The following TIAM1 variants were observed in gnomAD, a reference collection of about 807,000 sequenced individuals.
The protein encoded by TIAM1 is rho guanine nucleotide exchange factor TIAM1.
A neutral mutation model predicts 163.5 loss-of-function variants in TIAM1; 65 were observed. That is an observed-to-expected ratio of 0.40 (90% CI 0.33 to 0.49). TIAM1 has a LOEUF of 0.49. Ranked by LOEUF, TIAM1 falls within the 20% of genes least tolerant of loss-of-function variation. The pLI is 0.77. For synonymous variants in TIAM1, 833 were observed against 810.1 expected (o/e 1.03, Z -0.48); for missense variants, 1,789 against 2,044.7 (o/e 0.87, Z 2.41).
chr21:31,168,902 A>G (rs1399991208), intron 15 of TIAM1, among the ~76,000 whole-genome samples: 2 of 152,250 alleles, frequency 1.3e-5, no homozygotes, highest in East Asian at 3.8e-4. Flanking sequence ...GCAAGAGGCA[A>G]CAGACACAAT....
intron 1 of TIAM1, among the ~76,000 whole-genome samples, chr21:31,485,605 T>C (rs2046246194): frequency 6.6e-6 from 1 of 152,124 alleles, no homozygotes; most frequent in African/African-American, 2.4e-5. Context: ...CGCCATTGTA[T>C]CAGGAACCTC....
At chr21:31,396,460 C>T (rs1187892884) in intron 2 of TIAM1, among the ~76,000 whole-genome samples, 1 of 152,034 alleles carries the variant, frequency 6.6e-6, no homozygotes, top group Non-Finnish European at 1.5e-5. Flanking sequence ...CCTATCACCC[C>T]CTCCATGTTT....
At chr21:31,190,390 C>T (rs1266233584) in intron 13 of TIAM1, among the ~76,000 whole-genome samples, 9 of 151,950 alleles carry the variant, frequency 5.9e-5, no homozygotes, top group Non-Finnish European at 2.9e-5. Context: ...CCAGCCTGGG[C>T]GACAGAGTAA....
chr21:31,425,064 A>G (rs573640539), intron 2 of TIAM1, among the ~76,000 whole-genome samples: 2 of 152,178 alleles, frequency 1.3e-5, no homozygotes, highest in Admixed American at 1.3e-4. Context: ...AACAAAAAAA[A>G]AAAAAGAAAA....
chr21:31,210,796 AAGAAAG>A (rs2086839500), intron 10 of TIAM1, among the ~76,000 whole-genome samples: 2 of 148,514 alleles, frequency 1.3e-5, no homozygotes, highest in African/African-American at 5.2e-5. Context: ...GAAAGAAAGA[AAGAAAG>A]AAAGAAAGAA....
chr21:31,172,827 A>C (rs1369795018), intron 15 of TIAM1, among the ~76,000 whole-genome samples: 4 of 152,144 alleles, frequency 2.6e-5, no homozygotes, highest in African/African-American at 9.6e-5. Flanking sequence ...TGATTGTGAC[A>C]CTGCACTCTA....
intron 12 of TIAM1, among the ~76,000 whole-genome samples, chr21:31,201,990 A>AT (rs199790701): frequency 1.1e-3 from 161 of 151,384 alleles, no homozygotes; most frequent in East Asian, 5.6e-3. Context: ...TTAGCATTTC[A>AT]TTTTTTTTTC....
intron 2 of TIAM1, among the ~76,000 whole-genome samples, chr21:31,447,258 G>T (rs2044659991): frequency 6.6e-6 from 1 of 152,058 alleles, no homozygotes; most frequent in Non-Finnish European, 1.5e-5. Context: ...ACTATAGCTG[G>T]TAGCAACTGG....
chr21:31,445,117 G>T (rs558209854), intron 2 of TIAM1, among the ~76,000 whole-genome samples: 161 of 152,248 alleles, frequency 1.1e-3, no homozygotes, highest in African/African-American at 3.8e-3. Context: ...GTTTCTGTGG[G>T]AAATGTCTCC....
At chr21:31,238,570 T>C (rs2071011220) in intron 6 of TIAM1, among the ~76,000 whole-genome samples, 1 of 152,186 alleles carries the variant, frequency 6.6e-6, no homozygotes, top group Non-Finnish European at 1.5e-5. Context: ...AACCTTCTGA[T>C]TCCACTTGAG....
At chr21:31,319,779 CAAAAAAAAA>C (rs34265205) in intron 2 of TIAM1, among the ~76,000 whole-genome samples, 3 of 101,354 alleles carry the variant, frequency 3.0e-5, no homozygotes, top group Non-Finnish European at 3.9e-5. Context: ...GACTCTATCT[CAAAAAAAAA>C]AAAAAAAAAA....
At chr21:31,281,377 G>A (rs1307892961) in intron 2 of TIAM1, among the ~76,000 whole-genome samples, 1 of 152,120 alleles carries the variant, frequency 6.6e-6, no homozygotes, top group Non-Finnish European at 1.5e-5. Context: ...AAAGAAATTA[G>A]ATAATCAACA....
intron 1 of TIAM1, among the ~76,000 whole-genome samples, chr21:31,468,585 G>C (rs918047010): frequency 6.6e-6 from 1 of 151,928 alleles, no homozygotes; most frequent in Admixed American, 6.6e-5. Context: ...GACCATCCTA[G>C]CTAACACGGT....
At chr21:31,540,781 G>C (rs1422927989) in intron 1 of TIAM1, among the ~76,000 whole-genome samples, 1 of 152,160 alleles carries the variant, frequency 6.6e-6, no homozygotes, top group Non-Finnish European at 1.5e-5. Flanking sequence ...GATAATGATA[G>C]TGTTTTGTAA....
chr21:31,532,772 G>A (rs1280849857), intron 1 of TIAM1, among the ~76,000 whole-genome samples: 1 of 152,004 alleles, frequency 6.6e-6, no homozygotes, highest in African/African-American at 2.4e-5. Flanking sequence ...CATGGGCAAC[G>A]TGGCCAAATC....
intron 2 of TIAM1, among the ~76,000 whole-genome samples, chr21:31,320,342 A>T (rs1783073): frequency 0.61 from 92,849 of 151,920 alleles, 29,375 homozygotes; most frequent in African/African-American, 0.78. Flanking sequence ...CTGGGTACAT[A>T]TTCTGTTTGG....
At chr21:31,430,269 CACACAT>C (rs1384032267) in intron 2 of TIAM1, among the ~76,000 whole-genome samples, 2,601 of 145,110 alleles carry the variant, frequency 0.018, 117 homozygotes, top group African/African-American at 0.063. Context: ...CACACACACA[CACACAT>C]ATATATATAT....
At position 31,529,199 on chromosome 21, in the gene TIAM1, G is replaced by A. The variant is rs538549914; in HGVS notation, c.-422+29728C>T. On this transcript the variant is annotated intron_variant, in intron 1 of 28. Coordinates refer to the TIAM1 transcript ENST00000286827. The stretch of plus-strand genomic sequence containing the variant: ...CTCCCAAAGTGCTGGGATTACAGGT[G>A]TGAGCCACCGCGCCCAGCCGAAATG... Among the ~76,000 whole-genome samples the A allele has an allele frequency of 3.3e-5, 5 of 152,014 alleles. No homozygotes were observed. In the South Asian group the frequency reaches 1.0e-3, roughly 32 times the overall value.
At chr21:31,548,173 T>C (rs1304825262) in intron 1 of TIAM1, among the ~76,000 whole-genome samples, 1 of 139,450 alleles carries the variant, frequency 7.2e-6, no homozygotes, top group African/African-American at 2.7e-5. Flanking sequence ...AGAGTCCCGC[T>C]GTGTCACCCA....
Sources: allele counts gnomAD v4.1 joint callset (sites outside exome capture counted in the v4.1 genomes callset), GRCh38; gene constraint gnomAD v4.1.1; transcripts MANE v1.5; gene names NCBI Gene and HGNC (gene_info 2026-07-23, HGNC 2026-07-21).